SNAP29: variants seen among roughly 807,000 people sequenced by gnomAD.
The protein encoded by SNAP29 is synaptosome associated protein 29.
In SNAP29, 13 loss-of-function variants were observed where a neutral mutation model predicts 27.9. The ratio of observed to expected loss-of-function variants is 0.47; its 90% confidence interval spans 0.30 to 0.74. The LOEUF (loss-of-function observed/expected upper bound fraction) is 0.74. Ranked by LOEUF, SNAP29 falls within the 30% of genes least tolerant of loss-of-function variation. SNAP29 has a pLI of 0.06. For missense variants in SNAP29, 368 were observed against 336.5 expected (o/e 1.09, Z -0.73); for synonymous variants, 119 against 127.1 (o/e 0.94, Z 0.43).
intron 1 of SNAP29, among the ~76,000 whole-genome samples, chr22:20,867,542 G>A (rs1928490724): frequency 6.6e-6 from 1 of 152,148 alleles, no homozygotes; most frequent in South Asian, 2.1e-4. Flanking sequence ...TCTGCCTTCT[G>A]GGGGTGGATT....
At chr22:20,885,372 G>C (rs565532966) in intron 4 of SNAP29, among the ~76,000 whole-genome samples, 1 of 152,072 alleles carries the variant, frequency 6.6e-6, no homozygotes, top group Admixed American at 6.6e-5. Context: ...GTCTGTGCAC[G>C]GGTTTTCTCC....
At chr22:20,862,899 G>T (rs751403142) in intron 1 of SNAP29, among the ~76,000 whole-genome samples, 4 of 151,980 alleles carry the variant, frequency 2.6e-5, no homozygotes, top group African/African-American at 4.8e-5. Flanking sequence ...TTTGGGGGAG[G>T]TTTTTTGAGA....
At chr22:20,861,252 G>C (rs1928312081) in intron 1 of SNAP29, among the ~76,000 whole-genome samples, 1 of 151,576 alleles carries the variant, frequency 6.6e-6, no homozygotes, top group South Asian at 2.1e-4. Context: ...TGAGTAGCTG[G>C]GACTAAGGCG....
rs1207360521 is a variant in SNAP29 at position 20,887,701 on chromosome 22, T to C, written c.642T>C (p.Gly214=). Residue 214 remains glycine, a synonymous_variant, in exon 5 of 5, where the codon GGT becomes GGC. Coordinates refer to ENST00000215730, the MANE Select transcript of SNAP29 (RefSeq NM_004782.4). ...CAGATGAGCTGTCCATGGGACTGGG[T>C]CGTCTGAAGGACATAGCCCTGGGGA... The part of the protein sequence containing the change: ...SNLDELSMGL[G]RLKDIALGMQ... 11 of 1,613,994 alleles carry C rather than the reference T, an allele frequency of 6.8e-6. No individual in the cohort carries two copies. Among genetic ancestry groups the C allele is most frequent in the Non-Finnish European group, 9.3e-6 (11 of 1,180,044 alleles).
Position 20,870,340 on chromosome 22 carries a change from C to A in SNAP29, c.241C>A (p.Leu81Ile), listed in dbSNP as rs779688957. 2.3e-5 allele frequency: 37 copies of A among 1,614,106 alleles called. No individual in the cohort carries two copies. Among genetic ancestry groups the A allele is most frequent in the Non-Finnish European group, 3.0e-5 (35 of 1,179,988 alleles). The stretch of plus-strand genomic sequence containing the variant: ...CACTGCCTCTCGGTTTCCCCAGGAG[C>A]TCGCCCGTCAGCGAGGAGTCCTGGA... ...EKVGVASSEE[L>I]ARQRGVLERT... The change falls in exon 2 of 5, where the codon CTC becomes ATC. Residue 81 changes from leucine to isoleucine, a missense_variant. Leu to Ile is a conservative substitution (Grantham distance 5, BLOSUM62 2). Coordinates refer to ENST00000215730, the MANE Select transcript of SNAP29 (RefSeq NM_004782.4).
At position 20,883,583 on chromosome 22, in the gene SNAP29, C is replaced by G. The variant is rs376195167; in HGVS notation, c.619+14C>G. 2 of 1,544,492 alleles carry G rather than the reference C, an allele frequency of 1.3e-6. No homozygotes were observed. Among genetic ancestry groups the G allele is most frequent in the Non-Finnish European group, 1.8e-6 (2 of 1,116,932 alleles). ...ACAGCAACCTAGGTAAGACTGAGCA[C>G]CACACCAGCTTCTGTAAGCCACTGT... On this transcript the variant is annotated intron_variant, in intron 4 of 4. Coordinates refer to ENST00000215730, the MANE Select transcript of SNAP29 (RefSeq NM_004782.4).
At chr22:20,879,117 C>T (rs1427451644) in intron 2 of SNAP29, among the ~76,000 whole-genome samples, 1 of 152,070 alleles carries the variant, frequency 6.6e-6, no homozygotes, top group African/African-American at 2.4e-5. Flanking sequence ...ACCATTCCGG[C>T]TAACACGGTG....
chr22:20,868,385 G>A (rs762874498), intron 1 of SNAP29, among the ~76,000 whole-genome samples: 2 of 152,202 alleles, frequency 1.3e-5, no homozygotes, highest in Non-Finnish European at 2.9e-5. Context: ...TCCAGCAAGA[G>A]TTAAACAAAG....
chr22:20,878,014 C>G (rs1928789214), intron 2 of SNAP29, among the ~76,000 whole-genome samples: 1 of 152,176 alleles, frequency 6.6e-6, no homozygotes, highest in South Asian at 2.1e-4. Flanking sequence ...TTAAATCCTT[C>G]CATTCACCAG....
intron 4 of SNAP29, 135 bp from the exon 5 acceptor site, chr22:20,887,544 C>A: frequency 1.1e-6 from 1 of 894,440 alleles, no homozygotes. Flanking sequence ...TAAGTCAAGA[C>A]TCATCTCTGC....
At chr22:20,886,858 C>T (rs905810021) in intron 4 of SNAP29, among the ~76,000 whole-genome samples, 3 of 151,986 alleles carry the variant, frequency 2.0e-5, no homozygotes, top group Non-Finnish European at 2.9e-5. Flanking sequence ...TACGATCCAC[C>T]CACCTCAGCC....
intron 2 of SNAP29, among the ~76,000 whole-genome samples, chr22:20,878,678 C>G (rs748946697): frequency 6.6e-6 from 1 of 152,030 alleles, no homozygotes; most frequent in Non-Finnish European, 1.5e-5. Flanking sequence ...CTGGGAGTAG[C>G]GCTGTGCAGG....
chr22:20,865,796 C>T (rs1928444606), intron 1 of SNAP29, among the ~76,000 whole-genome samples: 1 of 152,224 alleles, frequency 6.6e-6, no homozygotes, highest in Admixed American at 6.5e-5. Context: ...TGTCCTCTCC[C>T]CATGGAGTCA....
rs362036 is a variant in SNAP29, at chr22:20,873,964, C to CAA, written c.434+3459_434+3460dup. 4.4e-3 allele frequency among the ~76,000 whole-genome samples: 114 copies of CAA among 25,976 alleles called. 10 individuals are homozygous for CAA. The highest frequency in any genetic ancestry group is 5.7e-3 in the Non-Finnish European group (91 of 15,946). The allele number at this position is 25,976 out of a possible 152,430, so 17.0% of individuals were successfully genotyped here. On this transcript the variant is annotated intron_variant, in intron 2 of 4. Transcript: ENST00000215730. ...CCTGGGTAACAGTGAGACTCTGTCT[C>CAA]AAAAAAAAAAAAAAAAAAAAAAAAA...
At chr22:20,870,960 G>T in intron 2 of SNAP29, 1 of 300,670 alleles carries the variant, frequency 3.3e-6, no homozygotes, top group Non-Finnish European at 6.5e-6. Context: ...AACATAGTGG[G>T]AACCCAGTCT....
Position 20,877,149 on chromosome 22 carries a change from C to T in SNAP29, c.435-3900C>T, listed in dbSNP as rs141551246. Among the ~76,000 whole-genome samples the T allele has an allele frequency of 3.2e-4, 49 of 152,308 alleles. No individual in the cohort carries two copies. The East Asian group carries it at 8.3e-3, about 26-fold the overall frequency. ...CTAGAAATTGGCTTTCTTGGCTGAG[C>T]GTGGTGGCTCACGCCTATAATCCCA... On this transcript the variant is annotated intron_variant, in intron 2 of 4. Transcript: ENST00000215730.
Position 20,889,946 on chromosome 22 carries a change from G to GT in SNAP29, c.*2110_*2111insT, listed in dbSNP as rs1929109910. The GT allele has an allele frequency of 4.5e-5, 11 of 245,790 alleles. No homozygotes were observed. Among genetic ancestry groups the GT allele is most frequent in the Non-Finnish European group, 6.2e-5 (8 of 130,024 alleles). The allele number at this position is 245,790 out of a possible 1,614,324, so 15.2% of individuals were successfully genotyped here. A position where few individuals can be genotyped will look rare whatever the true frequency, so the allele number is the denominator to read the frequency against. ...AGTCACCCGCCCTTCTCTGTTTTTTGGTTTTTTTTTTCTTAACCCCAGGTA... is the reference window on the plus strand; with the variant it reads ...AGTCACCCGCCCTTCTCTGTTTTTTGTGTTTTTTTTTTCTTAACCCCAGGTA... On this transcript the variant is annotated 3_prime_UTR_variant, in exon 5 of 5. Coordinates refer to ENST00000215730, the MANE Select transcript of SNAP29 (RefSeq NM_004782.4).
chr22:20,866,771 A>G (rs1331291483), intron 1 of SNAP29, among the ~76,000 whole-genome samples: 1 of 152,078 alleles, frequency 6.6e-6, no homozygotes, highest in Non-Finnish European at 1.5e-5. Flanking sequence ...ATTTGTTTTT[A>G]GGAAAACTAA....
At chr22:20,867,337 G>C (rs1326379988) in intron 1 of SNAP29, among the ~76,000 whole-genome samples, 4 of 152,056 alleles carry the variant, frequency 2.6e-5, no homozygotes, top group Non-Finnish European at 5.9e-5. Flanking sequence ...CTCTGCGGAG[G>C]GGGGTGTGGA....
Sources: gnomAD v4.1 joint callset for allele counts (sites outside exome capture counted in the v4.1 genomes callset) on GRCh38, gnomAD v4.1.1 for gene constraint, MANE v1.5 for transcripts, NCBI Gene and HGNC (gene_info 2026-07-23, HGNC 2026-07-21) for gene names.